ZHX2: variants seen among roughly 807,000 people sequenced by gnomAD.
ZHX2 encodes the protein zinc fingers and homeoboxes 2, also known as zinc fingers and homeoboxes protein 2.
In ZHX2, 6 loss-of-function variants were observed where a neutral mutation model predicts 21.9. The ratio of observed to expected loss-of-function variants is 0.27; its 90% CI spans 0.15 to 0.54. The LOEUF (loss-of-function observed/expected upper bound fraction) is 0.54. Among genes scored for constraint, ZHX2 ranks in the 20% least tolerant of loss-of-function variants. The pLI is 0.95. For synonymous variants in ZHX2, 434 were observed against 437.1 expected (o/e 0.99, Z 0.09); for missense variants, 908 against 1,090.7 (o/e 0.83, Z 2.36).
intron 3 of ZHX2, among the ~76,000 whole-genome samples, chr8:122,955,637 A>G (rs889736137): frequency 6.6e-6 from 1 of 151,952 alleles, no homozygotes; most frequent in African/African-American, 2.4e-5. Flanking sequence ...TTCTCCTCCC[A>G]CTTGCAGGAG....
At chr8:122,938,556 G>A (rs1194731269) in intron 2 of ZHX2, among the ~76,000 whole-genome samples, 1 of 152,124 alleles carries the variant, frequency 6.6e-6, no homozygotes, top group South Asian at 2.1e-4. Context: ...AAGCTGAGGG[G>A]CCGGGCACAG....
intron 2 of ZHX2, among the ~76,000 whole-genome samples, chr8:122,941,164 T>C (rs150427471): frequency 1.3e-5 from 2 of 152,226 alleles, no homozygotes; most frequent in African/African-American, 4.8e-5. Flanking sequence ...GGAGGATCAC[T>C]TGAACCCAGG....
intron 2 of ZHX2, among the ~76,000 whole-genome samples, chr8:122,935,561 A>T (rs1273645182): frequency 7.5e-6 from 1 of 132,614 alleles, no homozygotes; most frequent in African/African-American, 2.8e-5. Flanking sequence ...TTTGAGACGG[A>T]GTCTCACTCT....
At chr8:122,934,623 T>C (rs62521605) in intron 2 of ZHX2, among the ~76,000 whole-genome samples, 3 of 109,266 alleles carry the variant, frequency 2.7e-5, no homozygotes, top group African/African-American at 6.6e-5. Context: ...TCCTTCCTTC[T>C]TTCCTTCCTT....
intron 1 of ZHX2, among the ~76,000 whole-genome samples, chr8:122,836,733 C>T (rs1300580931): frequency 1.3e-5 from 2 of 152,188 alleles, no homozygotes; most frequent in African/African-American, 4.8e-5. Context: ...AGGTGTCTTC[C>T]GGCCGGCTTT....
chr8:122,867,479 C>T (rs2129661114), intron 2 of ZHX2, among the ~76,000 whole-genome samples: 1 of 152,308 alleles, frequency 6.6e-6, no homozygotes, highest in South Asian at 2.1e-4. Context: ...GAATAAATAC[C>T]ACTGAAACTC....
chr8:122,838,783 G>C (rs1221383860), intron 1 of ZHX2, among the ~76,000 whole-genome samples: 1 of 151,916 alleles, frequency 6.6e-6, no homozygotes, highest in Non-Finnish European at 1.5e-5. Flanking sequence ...TCACCTGTTG[G>C]CCAGGCTGGT....
At chr8:122,934,295 C>T (rs1812619603) in intron 2 of ZHX2, among the ~76,000 whole-genome samples, 1 of 152,230 alleles carries the variant, frequency 6.6e-6, no homozygotes, top group Non-Finnish European at 1.5e-5. Context: ...GACTTACCCA[C>T]TCAACTGACT....
chr8:122,935,830 C>T (rs1243939711), intron 2 of ZHX2, among the ~76,000 whole-genome samples: 3 of 152,144 alleles, frequency 2.0e-5, no homozygotes, highest in African/African-American at 4.8e-5. Context: ...CCACCACGCC[C>T]GGCCGAGAGT....
intron 2 of ZHX2, among the ~76,000 whole-genome samples, chr8:122,921,478 C>T (rs1337423944): frequency 2.0e-5 from 3 of 152,164 alleles, no homozygotes; most frequent in African/African-American, 4.8e-5. Context: ...TGCTGCCCCT[C>T]CCCTGGGGGT....
intron 1 of ZHX2, among the ~76,000 whole-genome samples, chr8:122,784,095 T>C (rs13282466): frequency 0.26 from 38,990 of 152,174 alleles, 5,427 homozygotes; most frequent in Middle Eastern, 0.32. Flanking sequence ...CCACTGTTTG[T>C]TGGCACTGAA....
At chr8:122,887,107 TAGG>T (rs1472313384) in intron 2 of ZHX2, among the ~76,000 whole-genome samples, 7 of 138,364 alleles carry the variant, frequency 5.1e-5, no homozygotes, top group Non-Finnish European at 7.7e-5. Flanking sequence ...ATGAGTGAGT[TAGG>T]AGTGTGGAAG....
chr8:122,921,867 G>A (rs1261329712), intron 2 of ZHX2, among the ~76,000 whole-genome samples: 1 of 152,080 alleles, frequency 6.6e-6, no homozygotes, highest in Non-Finnish European at 1.5e-5. Context: ...GAGATGAGTC[G>A]ATGTTAACCC....
At chr8:122,928,641 G>A (rs1353515233) in intron 2 of ZHX2, among the ~76,000 whole-genome samples, 1 of 152,228 alleles carries the variant, frequency 6.6e-6, no homozygotes, top group African/African-American at 2.4e-5. Flanking sequence ...TTCGATTCCC[G>A]TAATATAGGC....
rs115646913 is a variant in ZHX2 at position 122,786,720 on chromosome 8, C to T, written c.-283+4774C>T. ...CATTGCCATTCCCCTTCTGCCTCCC[C>T]CCACCCCCAGTACACACATGCACTC... On this transcript the variant is annotated intron_variant, in intron 1 of 3. Transcript: ENST00000314393. Among the ~76,000 whole-genome samples the T allele has an allele frequency of 2.8e-3, 426 of 152,062 alleles. 1 individual carries two copies. The highest frequency in any genetic ancestry group is 9.6e-3 in the African/African-American group (400 of 41,460).
chr8:122,887,561 A>G (rs1819875166), intron 2 of ZHX2, among the ~76,000 whole-genome samples: 1 of 152,202 alleles, frequency 6.6e-6, no homozygotes, highest in Admixed American at 6.5e-5. Flanking sequence ...ATACATATAT[A>G]CAAGTGTATA....
At position 122,850,169 on chromosome 8, in the gene ZHX2, A is replaced by G. The variant is rs539021033; in HGVS notation, c.-282-13308A>G. On this transcript the variant is annotated intron_variant, in intron 1 of 3. Coordinates refer to ENST00000314393, the MANE Select transcript of ZHX2 (RefSeq NM_014943.5). Reference sequence around the variant, plus strand: ...ATAAATCTTGGCTGTTCTGTCTCCAAAATAGATCTCCAACCCAACCACATC... The same window carrying G: ...ATAAATCTTGGCTGTTCTGTCTCCAGAATAGATCTCCAACCCAACCACATC... 4.0e-4 allele frequency among the ~76,000 whole-genome samples: 61 copies of G among 152,156 alleles called. 1 individual carries two copies. Among genetic ancestry groups the G allele is most frequent in the Middle Eastern group, 3.2e-3 (1 of 316 alleles).
chr8:122,960,137 C>G (rs1248170130), intron 3 of ZHX2, among the ~76,000 whole-genome samples: 3 of 152,094 alleles, frequency 2.0e-5, no homozygotes, highest in Admixed American at 1.3e-4. Context: ...TTTAATCAAA[C>G]AAAAATGAAA....
chr8:122,886,383 C>T (rs1819843095), intron 2 of ZHX2, among the ~76,000 whole-genome samples: 2 of 152,204 alleles, frequency 1.3e-5, no homozygotes, highest in African/African-American at 4.8e-5. Context: ...CTATGTGATA[C>T]TGTCATGGTA....
Sources: allele counts gnomAD v4.1 joint callset (sites outside exome capture counted in the v4.1 genomes callset), GRCh38; gene constraint gnomAD v4.1.1; transcripts MANE v1.5; gene names NCBI Gene and HGNC (gene_info 2026-07-23, HGNC 2026-07-21).